Variants in RAP1GAP observed in about 807,000 individuals in gnomAD.
RAP1GAP encodes the protein rap1 GTPase-activating protein 1.
Under a neutral mutation model 87.2 loss-of-function variants are expected in RAP1GAP, and 35 were observed. The observed-to-expected ratio is 0.40, with a 90% CI of 0.31 to 0.53. The LOEUF is 0.53. RAP1GAP is among the 20% of genes least tolerant of loss of function. The pLI is 0.48. For synonymous variants in RAP1GAP, 375 were observed against 363.9 expected (o/e 1.03, Z -0.35); for missense variants, 734 against 898.9 (o/e 0.82, Z 2.35).
intron 4 of RAP1GAP, among the ~76,000 whole-genome samples, chr1:21,619,414 G>A (rs774639462): frequency 4.5e-4 from 68 of 151,546 alleles, no homozygotes; most frequent in Non-Finnish European, 6.6e-4. Context: ...GGAGAGAGGG[G>A]GAGGGAGAGG....
chr1:21,603,989 G>A lies in RAP1GAP; in HGVS notation c.1429-1076C>T. 7 of 1,128,326 alleles carry A rather than the reference G, an allele frequency of 6.2e-6. No individual in the cohort carries two copies. In the Middle Eastern group the frequency reaches 1.4e-3, roughly 225 times the overall value. The allele number at this position is 1,128,326 out of a possible 1,614,324, so 69.9% of individuals were successfully genotyped here. On this transcript the variant is annotated intron_variant, in intron 18 of 24. Coordinates refer to ENST00000374765, the MANE Select transcript of RAP1GAP (RefSeq NM_002885.4). This position sits in a 1 kb window ranked among gnomAD's most constrained non-coding sequence, Gnocchi z 6.0. ...AGAGAGCAAGAGAGATGGTGGGAGG[G>A]AGACACAGAGAGGAGGAGAGGCAGG...
intron 20 of RAP1GAP, among the ~76,000 whole-genome samples, chr1:21,600,899 A>AAAAAAAAAAAAAAAT: frequency 6.7e-6 from 1 of 148,594 alleles, no homozygotes; most frequent in Non-Finnish European, 1.5e-5. Flanking sequence ...AAAAAAAAAA[A>AAAAAAAAAAAAAAAT]GTCAAAGCTC....
chr1:21,661,745 C>T (rs1030333311), intron 1 of RAP1GAP, among the ~76,000 whole-genome samples: 5 of 152,242 alleles, frequency 3.3e-5, no homozygotes, highest in African/African-American at 4.8e-5. Context: ...TTACTGGACA[C>T]GTGCAAGGAC....
intron 2 of RAP1GAP, chr1:21,626,890 C>T (rs769343167): frequency 7.2e-5 from 33 of 456,660 alleles, no homozygotes; most frequent in South Asian, 3.3e-4. Flanking sequence ...GCTGAGCCCT[C>T]GTTCTAGGCC....
chr1:21,613,653 A>G lies in RAP1GAP; in HGVS notation c.449T>C (p.Phe150Ser). 1.2e-6 allele frequency: 2 copies of G among 1,613,760 alleles called. No individual in the cohort carries two copies. The highest frequency in any genetic ancestry group is 1.7e-6 in the Non-Finnish European group (2 of 1,179,772). Residue 150 changes from phenylalanine (F) to serine (S), a missense_variant, in exon 9 of 25, where the codon TTC (phenylalanine) becomes TCC (serine). This residue lies in a region of RAP1GAP where 485 missense variants were observed against 646.2 expected (regional missense o/e 0.75). Coordinates refer to ENST00000374765, the MANE Select transcript of RAP1GAP (RefSeq NM_002885.4). This position sits in a 1 kb window ranked among gnomAD's most constrained non-coding sequence, Gnocchi z 4.7. ...DVIPISCLTEFPNVVQMAKLV... is the reference protein window; with the variant it reads ...DVIPISCLTESPNVVQMAKLV... ...CTTTGCCATCTGGACAACATTAGGG[A>G]ACTCGGTGAGGCAGGAGATGGGGAT...
intron 1 of RAP1GAP, among the ~76,000 whole-genome samples, chr1:21,659,269 C>G (rs914570835): frequency 1.3e-5 from 2 of 152,206 alleles, no homozygotes; most frequent in Non-Finnish European, 2.9e-5. Flanking sequence ...TCGGGCGCCA[C>G]CAATTGGCCG....
In RAP1GAP at chr1:21,634,065, G is replaced by C. The variant is rs1018600837; in HGVS notation, c.-112-7668C>G. Among the ~76,000 whole-genome samples, 8 of 75,588 alleles carry C rather than the reference G, an allele frequency of 1.1e-4. 1 individual carries two copies. Among genetic ancestry groups the C allele is most frequent in the South Asian group, 5.1e-4 (1 of 1,954 alleles). 49.6% of individuals were successfully genotyped at this position (75,588 alleles called of 152,430 possible). A position where few individuals can be genotyped will look rare whatever the true frequency, so the allele number is the denominator to read the frequency against. The stretch of plus-strand genomic sequence containing the variant: ...CCCAGAACTGCCCCCTCCCGGGGGG[G>C]GGGGGGGGCCACAGAAGCCCATTGT... On this transcript the variant is annotated intron_variant, in intron 2 of 24. Transcript: ENST00000374765. This position sits in a 1 kb window ranked among gnomAD's most constrained non-coding sequence, Gnocchi z 4.1.
At chr1:21,633,043 T>C (rs1425741130) in intron 2 of RAP1GAP, among the ~76,000 whole-genome samples, 2 of 152,186 alleles carry the variant, frequency 1.3e-5, no homozygotes, top group Non-Finnish European at 2.9e-5. Flanking sequence ...GAGGGTCCTG[T>C]CTTTTTCTCT....
chr1:21,652,894 A>G (rs1357950965), intron 1 of RAP1GAP, among the ~76,000 whole-genome samples: 1 of 152,158 alleles, frequency 6.6e-6, no homozygotes, highest in South Asian at 2.1e-4. Flanking sequence ...CCTGCACCCA[A>G]GGAGGCCCCC....
rs1411610195 is a variant in RAP1GAP at position 21,659,641 on chromosome 1, A to ACAT, written c.-149+9612_-149+9613insATG. Among the ~76,000 whole-genome samples, 314 of 152,292 alleles carry ACAT rather than the reference A, an allele frequency of 2.1e-3. 1 individual carries two copies. The highest frequency in any genetic ancestry group is 7.1e-3 in the African/African-American group (296 of 41,576). ...CTGTGATCCTGACAACAGCCCCGTG[A>ACAT]GGCTGATCCTGCAAGAGTTACATGT... On this transcript the variant is annotated intron_variant, in intron 1 of 24. Coordinates refer to ENST00000374765, the MANE Select transcript of RAP1GAP (RefSeq NM_002885.4).
chr1:21,611,235 G>A (rs756764148), intron 13 of RAP1GAP, among the ~76,000 whole-genome samples: 6 of 152,196 alleles, frequency 3.9e-5, no homozygotes, highest in African/African-American at 9.7e-5. Context: ...ATGCACCCAC[G>A]CATTTATGCT....
At chr1:21,626,869 C>G (rs1205137366) in intron 2 of RAP1GAP, 10 of 456,584 alleles carry the variant, frequency 2.2e-5, no homozygotes, top group Non-Finnish European at 4.4e-5. Flanking sequence ...CTACCACATG[C>G]CAGGCCCTGT....
At position 21,603,106 on chromosome 1, in the gene RAP1GAP, G is replaced by A. The variant is rs920020561; in HGVS notation, c.1429-193C>T. 7.0e-6 allele frequency: 4 copies of A among 572,362 alleles called. No individual in the cohort carries two copies. Among genetic ancestry groups the A allele is most frequent in the African/African-American group, 3.7e-5 (2 of 53,334 alleles). The allele number at this position is 572,362 out of a possible 1,614,324, so 35.5% of individuals were successfully genotyped here. A position where few individuals can be genotyped will look rare whatever the true frequency, so the allele number is the denominator to read the frequency against. On this transcript the variant is annotated intron_variant, in intron 18 of 24. Coordinates refer to ENST00000374765, the MANE Select transcript of RAP1GAP (RefSeq NM_002885.4). This position sits in a 1 kb window ranked among gnomAD's most constrained non-coding sequence, Gnocchi z 6.0. ...GGAAACAGTCCCCAGGAGGGCAAGGGGCTCTCCCGAGCTCACACGGCAGGA... is the reference window on the plus strand; with the variant it reads ...GGAAACAGTCCCCAGGAGGGCAAGGAGCTCTCCCGAGCTCACACGGCAGGA...
In RAP1GAP at chr1:21,626,310, G is replaced by A. The variant is rs751858624; in HGVS notation, c.-25C>T. ...TATGGAGGGGGACACTTACCTTAGG[G>A]TAGAGTGAAGGAGTATAGGAGGGAA... On this transcript the variant is annotated 5_prime_UTR_variant, in exon 3 of 25. Transcript: ENST00000374765. The A allele has an allele frequency of 1.1e-5, 17 of 1,603,608 alleles. No individual in the cohort carries two copies. In the South Asian group the frequency reaches 1.7e-4, roughly 16 times the overall value.
chr1:21,646,620 T>A (rs1022990745), intron 2 of RAP1GAP, among the ~76,000 whole-genome samples: 3 of 152,206 alleles, frequency 2.0e-5, no homozygotes, highest in Non-Finnish European at 4.4e-5. Flanking sequence ...AGGCCAAAGT[T>A]GACTCTCCTC....
At chr1:21,630,746 G>A (rs9426674) in intron 2 of RAP1GAP, among the ~76,000 whole-genome samples, 3 of 151,614 alleles carry the variant, frequency 2.0e-5, no homozygotes, top group Non-Finnish European at 4.4e-5. Flanking sequence ...TGTTGAGATG[G>A]GTGTCTTGCT....
intron 2 of RAP1GAP, among the ~76,000 whole-genome samples, chr1:21,631,159 T>C (rs1018060725): frequency 6.6e-6 from 1 of 152,138 alleles, no homozygotes; most frequent in Non-Finnish European, 1.5e-5. Flanking sequence ...GTCCCCCTGG[T>C]CTCTATCCCT....
intron 1 of RAP1GAP, among the ~76,000 whole-genome samples, chr1:21,655,139 G>GAA (rs750522857): frequency 1.7e-5 from 2 of 116,506 alleles, no homozygotes; most frequent in East Asian, 2.4e-4. Context: ...GACTCTGTCT[G>GAA]AAAAAAAAAA....
In RAP1GAP at chr1:21,626,387, C is replaced by T. The variant is rs762715370; in HGVS notation, c.-102G>A. 11 of 1,612,580 alleles carry T rather than the reference C, an allele frequency of 6.8e-6. No homozygotes were observed. Among genetic ancestry groups the T allele is most frequent in the Non-Finnish European group, 6.8e-6 (8 of 1,178,816 alleles). On this transcript the variant is annotated 5_prime_UTR_variant, in exon 3 of 25. The change abolishes an upstream ATG in the 5' untranslated region. Transcript: ENST00000374765. Reference sequence around the variant, plus strand: ...GCCTGAGGGAAGTGCTGGTTCTGCCCATCGCTCCTCCTGGAAGAGAAAGAG... The same window carrying T: ...GCCTGAGGGAAGTGCTGGTTCTGCCTATCGCTCCTCCTGGAAGAGAAAGAG...
Sources: allele counts gnomAD v4.1 joint callset (sites outside exome capture counted in the v4.1 genomes callset), GRCh38; gene constraint gnomAD v4.1.1; regional missense constraint gnomAD v4.1.1; non-coding constraint Gnocchi (gnomAD v3.1); transcripts MANE v1.5; gene names NCBI Gene and HGNC (gene_info 2026-07-23, HGNC 2026-07-21).